Variants in ANKFN1 observed in about 807,000 individuals in gnomAD.
The protein encoded by ANKFN1 is ankyrin repeat and fibronectin type III domain containing 1.
In ANKFN1, 74 loss-of-function variants were observed where a neutral mutation model predicts 108.7. The observed-to-expected ratio is 0.68, with a 90% confidence interval of 0.56 to 0.83. The LOEUF (loss-of-function observed/expected upper bound fraction) is 0.83. Ranked by LOEUF, ANKFN1 falls within the 40% of genes least tolerant of loss-of-function variation. The pLI is 0.00. For missense variants in ANKFN1, 1,505 were observed against 1,382.3 expected (o/e 1.09, Z -1.41); for synonymous variants, 547 against 516.2 (o/e 1.06, Z -0.81).
intron 14 of ANKFN1, among the ~76,000 whole-genome samples, chr17:56,463,250 A>G (rs1484400901): frequency 4.6e-5 from 7 of 152,198 alleles, no homozygotes; most frequent in Admixed American, 6.5e-5. Context: ...AGATCATAAC[A>G]CTAGGGCCTA....
intron 3 of ANKFN1, among the ~76,000 whole-genome samples, chr17:56,242,852 T>G (rs753918443): frequency 6.6e-6 from 1 of 152,130 alleles, no homozygotes; most frequent in Non-Finnish European, 1.5e-5. Context: ...TCATTCCTTG[T>G]TTACTAGGAT....
intron 3 of ANKFN1, chr17:56,228,324 G>A: frequency 4.8e-6 from 1 of 208,986 alleles, no homozygotes; most frequent in Non-Finnish European, 9.4e-6. Flanking sequence ...CTCACCGTGT[G>A]GTCACAGACT....
intron 1 of ANKFN1, among the ~76,000 whole-genome samples, chr17:56,195,981 C>A (rs1913468553): frequency 6.6e-6 from 1 of 152,130 alleles, no homozygotes. Context: ...AAGATGATAT[C>A]AAGTAAAGCA....
chr17:56,323,567 G>A (rs1398483051), intron 3 of ANKFN1: 4 of 152,626 alleles, frequency 2.6e-5, no homozygotes, highest in African/African-American at 9.7e-5. Context: ...AATATGGGCT[G>A]AGATTAATCC....
chr17:56,186,543 G>A (rs1912230600), intron 1 of ANKFN1, among the ~76,000 whole-genome samples: 1 of 152,148 alleles, frequency 6.6e-6, no homozygotes, highest in South Asian at 2.1e-4. Context: ...ACGCAAAAGA[G>A]CAAAAATGTA....
intron 8 of ANKFN1, among the ~76,000 whole-genome samples, chr17:56,431,023 G>T (rs545494345): frequency 4.6e-5 from 7 of 152,296 alleles, no homozygotes; most frequent in Admixed American, 3.9e-4. Context: ...AACAGTATGC[G>T]TGAGTTTCCT....
chr17:56,500,100 C>G lies in ANKFN1; in HGVS notation c.2644+1002C>G, dbSNP rs79948208. 7.1e-3 allele frequency among the ~76,000 whole-genome samples: 1,079 copies of G among 152,308 alleles called. 10 individuals are homozygous for G. Among genetic ancestry groups the G allele is most frequent in the African/African-American group, 0.024 (1,001 of 41,550 alleles). The stretch of plus-strand genomic sequence containing the variant: ...CTTGAACAGATTACTACATCTGACA[C>G]TCAGTTTCCATGTATGTAAAATGAG... On this transcript the variant is annotated intron_variant, in intron 20 of 20. Transcript: ENST00000682825.
intron 8 of ANKFN1, among the ~76,000 whole-genome samples, chr17:56,396,276 C>T (rs1040271192): frequency 1.3e-5 from 2 of 152,100 alleles, no homozygotes; most frequent in Non-Finnish European, 2.9e-5. Flanking sequence ...GGTGAAACCC[C>T]GTCTCTACTA....
chr17:56,102,070 ACCCACCTCC>A (rs2143223529), intron 4 of ANKFN1, among the ~76,000 whole-genome samples: 1 of 152,306 alleles, frequency 6.6e-6, no homozygotes, highest in East Asian at 1.9e-4. Context: ...ACCCCTGGAA[ACCCACCTCC>A]AACGCTTGGG....
chr17:56,494,897 T>G (rs2051150298), intron 19 of ANKFN1, among the ~76,000 whole-genome samples: 1 of 152,168 alleles, frequency 6.6e-6, no homozygotes. Context: ...CTCAAACTCC[T>G]CCCAGAGTTC....
intron 3 of ANKFN1, among the ~76,000 whole-genome samples, chr17:56,253,152 G>A (rs1345182851): frequency 6.6e-6 from 1 of 152,130 alleles, no homozygotes; most frequent in African/African-American, 2.4e-5. Context: ...TAAACTAAAT[G>A]CACTGAAAAA....
intron 14 of ANKFN1, among the ~76,000 whole-genome samples, chr17:56,465,286 C>G (rs2050036752): frequency 6.6e-6 from 1 of 152,060 alleles, no homozygotes; most frequent in African/African-American, 2.4e-5. Context: ...ATTTTTATGT[C>G]AAAAATTATT....
intron 1 of ANKFN1, among the ~76,000 whole-genome samples, chr17:56,207,311 C>A (rs1914621425): frequency 6.6e-6 from 1 of 152,208 alleles, no homozygotes; most frequent in Non-Finnish European, 1.5e-5. Flanking sequence ...TGGATTTTGA[C>A]AAGCTCTTCA....
At chr17:56,166,073 A>T (rs1052571675) in intron 1 of ANKFN1, among the ~76,000 whole-genome samples, 2 of 152,134 alleles carry the variant, frequency 1.3e-5, no homozygotes, top group Admixed American at 6.5e-5. Context: ...CAATAGTTCA[A>T]ATGCACTAGA....
At chr17:56,085,463 A>G (rs1905300021) in intron 4 of ANKFN1, among the ~76,000 whole-genome samples, 1 of 151,054 alleles carries the variant, frequency 6.6e-6, no homozygotes, top group African/African-American at 2.4e-5. Context: ...GCAAGGAAGA[A>G]TTATCCTCTG....
Position 56,372,835 on chromosome 17 carries a change from A to G in ANKFN1, c.791A>G (p.His264Arg), listed in dbSNP as rs763573020. Residue 264 changes from histidine to arginine, a missense_variant, in exon 7 of 21, where the codon CAT (histidine) becomes CGT (arginine). Transcript: ENST00000682825. ...LYRRMKTGFEHARAPEMPTNV... is the reference protein window; with the variant it reads ...LYRRMKTGFERARAPEMPTNV... The stretch of plus-strand genomic sequence containing the variant: ...AGACGCATGAAAACAGGCTTTGAGC[A>G]TGCCAGTGAGTATAAGCAGAAAATG... The G allele has an allele frequency of 1.6e-4, 253 of 1,612,406 alleles. No individual in the cohort carries two copies. Among genetic ancestry groups the G allele is most frequent in the Admixed American group, 4.5e-4 (27 of 59,482 alleles).
At chr17:56,117,676 G>C (rs555680775) in intron 4 of ANKFN1, among the ~76,000 whole-genome samples, 2 of 152,106 alleles carry the variant, frequency 1.3e-5, no homozygotes, top group African/African-American at 2.4e-5. Context: ...AGTATCCTAG[G>C]AGGGCAATTT....
chr17:56,435,628 C>T (rs561630080), intron 8 of ANKFN1, among the ~76,000 whole-genome samples: 1 of 152,016 alleles, frequency 6.6e-6, no homozygotes, highest in African/African-American at 2.4e-5. Context: ...TTGGTTAAGA[C>T]GAAGGAATGT....
At chr17:56,360,678 G>T (rs899561886) in intron 6 of ANKFN1, among the ~76,000 whole-genome samples, 3 of 152,096 alleles carry the variant, frequency 2.0e-5, no homozygotes, top group Non-Finnish European at 2.9e-5. Context: ...ATTTTAGTTA[G>T]TATTGGGCTC....
Sources: allele counts gnomAD v4.1 joint callset (sites outside exome capture counted in the v4.1 genomes callset), GRCh38; gene constraint gnomAD v4.1.1; transcripts MANE v1.5; gene names NCBI Gene and HGNC (gene_info 2026-07-23, HGNC 2026-07-21).